NUDCD3: variants seen among roughly 807,000 people sequenced by gnomAD.
NUDCD3 encodes the protein NudC domain containing 3.
A neutral mutation model predicts 39.7 loss-of-function variants in NUDCD3; 13 were observed. That is an observed-to-expected ratio of 0.33 (90% CI 0.21 to 0.52). The LOEUF is 0.52. Ranked by LOEUF, NUDCD3 falls within the 20% of genes least tolerant of loss-of-function variation. The probability of loss-of-function intolerance (pLI) is 0.96; values close to 1 mark genes in which losing one functional copy is unlikely to be tolerated. For synonymous variants in NUDCD3, 175 were observed against 172.4 expected (o/e 1.02, Z -0.12); for missense variants, 453 against 458.1 (o/e 0.99, Z 0.10).
intron 2 of NUDCD3, among the ~76,000 whole-genome samples, chr7:44,450,657 A>G (rs1040206558): frequency 6.6e-6 from 1 of 152,090 alleles, no homozygotes; most frequent in Non-Finnish European, 1.5e-5. Flanking sequence ...AAAAAAAATA[A>G]AACACTAAAT....
At chr7:44,414,452 A>G (rs1400611745) in intron 3 of NUDCD3, among the ~76,000 whole-genome samples, 2 of 152,238 alleles carry the variant, frequency 1.3e-5, no homozygotes, top group Non-Finnish European at 2.9e-5. Flanking sequence ...TCATCTTAAA[A>G]AGTGGAATGC....
chr7:44,461,209 C>T (rs996504525), intron 2 of NUDCD3, among the ~76,000 whole-genome samples: 7 of 152,208 alleles, frequency 4.6e-5, no homozygotes, highest in Non-Finnish European at 4.4e-5. Context: ...TCACCTTCTC[C>T]AGGAAGTATT....
At chr7:44,458,978 G>GTGTA (rs1799954177) in intron 2 of NUDCD3, among the ~76,000 whole-genome samples, 1 of 147,322 alleles carries the variant, frequency 6.8e-6, no homozygotes, top group Admixed American at 6.8e-5. Flanking sequence ...GTGTGTGTGT[G>GTGTA]TGGTGATGTG....
intron 2 of NUDCD3, among the ~76,000 whole-genome samples, chr7:44,456,025 C>CA (rs1233592095): frequency 0.042 from 1,196 of 28,478 alleles, 189 homozygotes; most frequent in Non-Finnish European, 0.048. Flanking sequence ...GACTCCGTCT[C>CA]AAAAAAAAAA....
At chr7:44,458,778 T>C (rs921722619) in intron 2 of NUDCD3, among the ~76,000 whole-genome samples, 3 of 152,214 alleles carry the variant, frequency 2.0e-5, no homozygotes, top group Non-Finnish European at 2.9e-5. Flanking sequence ...GAACTATATC[T>C]CAAGTTTTTA....
At chr7:44,464,881 C>T (rs1800089528) in intron 2 of NUDCD3, among the ~76,000 whole-genome samples, 1 of 152,206 alleles carries the variant, frequency 6.6e-6, no homozygotes, top group Admixed American at 6.5e-5. Context: ...AGTACAGAAT[C>T]TCAACCCTCT....
intron 3 of NUDCD3, among the ~76,000 whole-genome samples, chr7:44,412,199 T>C (rs1454876105): frequency 6.6e-6 from 1 of 152,228 alleles, no homozygotes; most frequent in East Asian, 1.9e-4. Context: ...GCAAGTACAC[T>C]GTGTGTGGAT....
chr7:44,422,015 G>A (rs754338357), intron 3 of NUDCD3, among the ~76,000 whole-genome samples: 29 of 152,300 alleles, frequency 1.9e-4, no homozygotes, highest in South Asian at 4.1e-4. Context: ...CATGAAAACT[G>A]AACAACTTGC....
intron 3 of NUDCD3, among the ~76,000 whole-genome samples, chr7:44,414,570 G>A (rs952184272): frequency 2.6e-5 from 4 of 152,208 alleles, no homozygotes; most frequent in African/African-American, 7.2e-5. Flanking sequence ...TGATGACTTA[G>A]GTTAGGGCTG....
At chr7:44,427,273 C>T (rs1475038280) in intron 3 of NUDCD3, among the ~76,000 whole-genome samples, 1 of 152,162 alleles carries the variant, frequency 6.6e-6, no homozygotes, top group East Asian at 1.9e-4. Flanking sequence ...GAGTCTATGG[C>T]TGTATTTATA....
rs548765464 is a variant in NUDCD3, at chr7:44,467,834, A to C, written c.509+17134T>G. On this transcript the variant is annotated intron_variant, in intron 2 of 5. Coordinates refer to ENST00000355451, the MANE Select transcript of NUDCD3 (RefSeq NM_015332.4). Reference sequence around the variant, plus strand: ...GACCTCAGTAAAAAAAAAAAAAAGAAAAGAAAAGGCTCTCTTCCTCGGCGC... The same window carrying C: ...GACCTCAGTAAAAAAAAAAAAAAGACAAGAAAAGGCTCTCTTCCTCGGCGC... 399 of 1,219,754 alleles carry C rather than the reference A, an allele frequency of 3.3e-4. 2 individuals carry two copies. The East Asian group carries it at 8.2e-3, about 25-fold the overall frequency. 75.6% of individuals were successfully genotyped at this position (1,219,754 alleles called of 1,614,324 possible). A position where few individuals can be genotyped will look rare whatever the true frequency, so the allele number is the denominator to read the frequency against.
At chr7:44,437,929 A>G (rs954081004) in intron 2 of NUDCD3, among the ~76,000 whole-genome samples, 5 of 152,240 alleles carry the variant, frequency 3.3e-5, no homozygotes, top group African/African-American at 1.2e-4. Context: ...AAGTTTGTAC[A>G]GTGAGTTTTT....
chr7:44,451,027 T>C (rs1199875331), intron 2 of NUDCD3, among the ~76,000 whole-genome samples: 2 of 152,258 alleles, frequency 1.3e-5, no homozygotes, highest in African/African-American at 4.8e-5. Flanking sequence ...TCTGAATATT[T>C]GTACATTCAT....
intron 2 of NUDCD3, among the ~76,000 whole-genome samples, chr7:44,456,453 T>C (rs1225449228): frequency 1.3e-5 from 2 of 152,206 alleles, no homozygotes; most frequent in Non-Finnish European, 2.9e-5. Flanking sequence ...CTTCTCACTA[T>C]TGCACTCGAC....
At chr7:44,402,860 G>A (rs1016967767) in intron 4 of NUDCD3, 11 of 350,686 alleles carry the variant, frequency 3.1e-5, no homozygotes, top group Middle Eastern at 1.0e-3. Flanking sequence ...CAAGCTAGCC[G>A]GCCCCAGTAC....
chr7:44,446,839 T>C (rs1029817106), intron 2 of NUDCD3, among the ~76,000 whole-genome samples: 1 of 152,206 alleles, frequency 6.6e-6, no homozygotes, highest in Non-Finnish European at 1.5e-5. Context: ...TCAAACATGA[T>C]TATATGATTT....
At chr7:44,402,113 GA>G (rs1361291791) in intron 4 of NUDCD3, among the ~76,000 whole-genome samples, 1 of 152,214 alleles carries the variant, frequency 6.6e-6, no homozygotes, top group Non-Finnish European at 1.5e-5. Flanking sequence ...CACAGCACTG[GA>G]AAAAGCCTTC....
Position 44,404,533 on chromosome 7 carries a change from T to C in NUDCD3, c.693A>G (p.Glu231=). 6.2e-7 allele frequency: 1 copy of C among 1,614,034 alleles called. No individual in the cohort carries two copies. The highest frequency in any genetic ancestry group is 2.2e-5 in the East Asian group (1 of 44,874). The change falls in exon 4 of 6, where the codon GAA becomes GAG. Residue 231 remains glutamate (E), a synonymous_variant. Transcript: ENST00000355451. ...SSSIRVAMLE[E]NGERVLMEGK... ...CTTCCATGAGGACGCGCTCCCCATT[T>C]TCCTCCAGCATGGCCACACGAATGG... is the stretch of plus-strand genomic sequence containing the variant.
At chr7:44,471,296 C>T (rs2116965217) in intron 2 of NUDCD3, among the ~76,000 whole-genome samples, 1 of 152,270 alleles carries the variant, frequency 6.6e-6, no homozygotes, top group African/African-American at 2.4e-5. Flanking sequence ...AATGAAAATG[C>T]TATGTAAATA....
Sources: allele counts gnomAD v4.1 joint callset (sites outside exome capture counted in the v4.1 genomes callset), GRCh38; gene constraint gnomAD v4.1.1; transcripts MANE v1.5; gene names NCBI Gene and HGNC (gene_info 2026-07-23, HGNC 2026-07-21).